The following CRISPLD1 variants were observed in gnomAD, a reference collection of about 807,000 sequenced individuals.
CRISPLD1 encodes the protein cysteine rich secretory protein LCCL domain containing 1.
A neutral mutation model predicts 77.5 loss-of-function variants in CRISPLD1; 60 were observed. The ratio of observed to expected loss-of-function variants is 0.77; its 90% CI spans 0.63 to 0.96. The LOEUF (loss-of-function observed/expected upper bound fraction) is 0.96. CRISPLD1 is among the 40% of genes least tolerant of loss of function. The probability of loss-of-function intolerance (pLI) is 0.00; values close to 1 mark genes in which losing one functional copy is unlikely to be tolerated. For missense variants in CRISPLD1, 623 were observed against 615.8 expected (o/e 1.01, Z -0.12); for synonymous variants, 195 against 200.1 (o/e 0.97, Z 0.22).
chr8:74,999,218 T>C (rs921108710), intron 2 of CRISPLD1, among the ~76,000 whole-genome samples: 11 of 152,268 alleles, frequency 7.2e-5, no homozygotes, highest in Admixed American at 6.5e-5. Flanking sequence ...CAACTACTTA[T>C]ACATACATAC....
At chr8:75,019,843 T>C in intron 10 of CRISPLD1, 27 bp from the exon 11 acceptor site, 2 of 1,584,448 alleles carry the variant, frequency 1.3e-6, no homozygotes, top group Non-Finnish European at 1.7e-6. Context: ...ATGAAAATAA[T>C]TAACATTTCT....
At chr8:75,002,054 T>G (rs2128782814) in intron 2 of CRISPLD1, among the ~76,000 whole-genome samples, 1 of 152,210 alleles carries the variant, frequency 6.6e-6, no homozygotes, top group South Asian at 2.1e-4. Context: ...TCAGATTTGT[T>G]TTTAACAAAG....
intron 2 of CRISPLD1, among the ~76,000 whole-genome samples, chr8:75,002,705 C>T (rs974353102): frequency 6.6e-6 from 1 of 151,920 alleles, no homozygotes; most frequent in Non-Finnish European, 1.5e-5. Flanking sequence ...TGAAATTCAC[C>T]TCCCACCCTC....
intron 2 of CRISPLD1, among the ~76,000 whole-genome samples, chr8:74,994,337 T>TGGCC (rs1812616803): frequency 1.3e-5 from 2 of 152,328 alleles, no homozygotes; most frequent in South Asian, 2.1e-4. Flanking sequence ...TTGACTTGGT[T>TGGCC]GGCCAGCCAG....
intron 2 of CRISPLD1, among the ~76,000 whole-genome samples, chr8:74,996,705 G>C (rs1202188192): frequency 7.5e-6 from 1 of 134,184 alleles, no homozygotes. Context: ...GCATGAGCCA[G>C]AATCTTTTTT....
chr8:74,986,368 G>A, intron 2 of CRISPLD1, 123 bp downstream of exon 2: 1 of 1,017,696 alleles, frequency 9.8e-7, no homozygotes, highest in Non-Finnish European at 1.4e-6. Flanking sequence ...TTTCTTTGAG[G>A]GTATTTTCCT....
rs139335382 is a variant in CRISPLD1 at position 75,000,123 on chromosome 8, A to G, written c.259-12310A>G. On this transcript the variant is annotated intron_variant, in intron 2 of 14. Transcript: ENST00000262207. ...GTTTCTGGAATGTCCCCTGTATGTC[A>G]TAGCAACTCAAACAATACAAAGTAA... 1.7e-4 allele frequency: 165 copies of G among 984,814 alleles called. 1 individual carries two copies. In the African/African-American group the frequency reaches 2.4e-3, roughly 15 times the overall value. 61.0% of individuals were successfully genotyped at this position (984,814 alleles called of 1,614,324 possible).
At chr8:75,017,493 G>C (rs1447801395) in intron 10 of CRISPLD1, 43 bp downstream of exon 10, 1 of 1,515,974 alleles carries the variant, frequency 6.6e-7, no homozygotes, top group Non-Finnish European at 8.9e-7. Flanking sequence ...ATTTTAAATT[G>C]TAACAGTGAG....
chr8:75,000,256 G>A, intron 2 of CRISPLD1: 3 of 985,288 alleles, frequency 3.0e-6, no homozygotes, highest in South Asian at 9.4e-5. Flanking sequence ...AATAGTGAAT[G>A]AATGAGATCA....
rs183253038 is a variant in CRISPLD1 at position 74,998,921 on chromosome 8, G to C, written c.258+12676G>C. On this transcript the variant is annotated intron_variant, in intron 2 of 14. Transcript: ENST00000262207. ...ACTAGAACGAGATAATCAAAGACATGTTAGTAACGGATTAACTTTTTAAGT... is the reference window on the plus strand; with the variant it reads ...ACTAGAACGAGATAATCAAAGACATCTTAGTAACGGATTAACTTTTTAAGT... Among the ~76,000 whole-genome samples the C allele has an allele frequency of 7.6e-4, 116 of 151,912 alleles. 1 individual carries two copies. Among genetic ancestry groups the C allele is most frequent in the Middle Eastern group, 3.4e-3 (1 of 294 alleles).
intron 2 of CRISPLD1, among the ~76,000 whole-genome samples, chr8:74,993,981 T>G (rs1002619732): frequency 6.6e-6 from 1 of 152,202 alleles, no homozygotes; most frequent in African/African-American, 2.4e-5. Flanking sequence ...TGGGGAAGGA[T>G]GCAGATCATC....
At chr8:75,015,425 C>T (rs766893365) in intron 6 of CRISPLD1, among the ~76,000 whole-genome samples, 6 of 152,084 alleles carry the variant, frequency 3.9e-5, no homozygotes, top group Non-Finnish European at 7.4e-5. Context: ...TAACATAAAA[C>T]TACTATAAAA....
chr8:75,016,536 A>T, intron 6 of CRISPLD1, 29 bp from the exon 7 acceptor site: 1 of 1,589,330 alleles, frequency 6.3e-7, no homozygotes, highest in Non-Finnish European at 8.6e-7. Flanking sequence ...AATAGGGTTA[A>T]TATTTCCTAA....
chr8:74,993,194 T>G (rs370878213), intron 2 of CRISPLD1, among the ~76,000 whole-genome samples: 1 of 152,330 alleles, frequency 6.6e-6, no homozygotes, highest in East Asian at 1.9e-4. Context: ...AGGAATTGAT[T>G]GCAATGAATA....
Position 75,017,434 on chromosome 8 carries a change from G to A in CRISPLD1, c.1111G>A (p.Gly371Ser), listed in dbSNP as rs758100678. The A allele has an allele frequency of 6.2e-7, 1 of 1,603,236 alleles. No individual in the cohort carries two copies. Among genetic ancestry groups the A allele is most frequent in the Non-Finnish European group, 8.5e-7 (1 of 1,176,356 alleles). ...TTATTTCATCAAGTCCAATAGAAAT[G>A]GTATTCAAACAATTGGGTAAGTACC... ...KHYFIKSNRN[G>S]IQTIGKYQSA... The change falls in exon 10 of 15, where the codon GGT (glycine) becomes AGT (serine). Residue 371 changes from glycine to serine, a missense_variant. Coordinates refer to ENST00000262207, the MANE Select transcript of CRISPLD1 (RefSeq NM_031461.6).
At chr8:74,994,139 G>A (rs1812614214) in intron 2 of CRISPLD1, among the ~76,000 whole-genome samples, 1 of 152,182 alleles carries the variant, frequency 6.6e-6, no homozygotes, top group African/African-American at 2.4e-5. Flanking sequence ...TTAGATGGTG[G>A]GAGGAGCACA....
At position 75,034,325 on chromosome 8, in the gene CRISPLD1, C is replaced by T. The variant is rs529890719; in HGVS notation, c.*2083C>T. ...ATAATATCTCCTTAAGATTGCTCTA[C>T]GAATTAATTGACACATTATGTGTGA... is the stretch of plus-strand genomic sequence containing the variant. On this transcript the variant is annotated 3_prime_UTR_variant, in exon 15 of 15. Coordinates refer to ENST00000262207, the MANE Select transcript of CRISPLD1 (RefSeq NM_031461.6). 1.6e-4 allele frequency: 25 copies of T among 152,058 alleles called. No homozygotes were observed. The highest frequency in any genetic ancestry group is 5.5e-4 in the African/African-American group (23 of 41,532). 9.4% of individuals were successfully genotyped at this position (152,058 alleles called of 1,614,324 possible).
rs543607362 is a variant in CRISPLD1 at position 74,991,472 on chromosome 8, T to A, written c.258+5227T>A. Among the ~76,000 whole-genome samples, 3 of 152,326 alleles carry A rather than the reference T, an allele frequency of 2.0e-5. No individual in the cohort carries two copies. In the South Asian group the frequency reaches 6.2e-4, roughly 32 times the overall value. On this transcript the variant is annotated intron_variant, in intron 2 of 14. Transcript: ENST00000262207. ...ATAAAGGGAAGCATGTTGTCCAGTC[T>A]GCCCCAGAGTGGTCAACTCCCTTGT...
chr8:74,987,143 A>G (rs1812509266), intron 2 of CRISPLD1, among the ~76,000 whole-genome samples: 1 of 152,190 alleles, frequency 6.6e-6, no homozygotes, highest in Non-Finnish European at 1.5e-5. Context: ...GTTTTGGTGG[A>G]TATTCTTTAT....
Sources: allele counts gnomAD v4.1 joint callset (sites outside exome capture counted in the v4.1 genomes callset), GRCh38; gene constraint gnomAD v4.1.1; transcripts MANE v1.5; gene names NCBI Gene and HGNC (gene_info 2026-07-23, HGNC 2026-07-21).